Variants in ANO2 observed in about 807,000 individuals in gnomAD.
The protein encoded by ANO2 is anoctamin-2.
ANO2 carries 101 observed loss-of-function variants against 124.2 expected under a neutral mutation model. The observed-to-expected ratio is 0.81, with a 90% CI of 0.69 to 0.96. The LOEUF is 0.96. ANO2 is among the 40% of genes least tolerant of loss of function. The pLI is 0.00. For missense variants in ANO2, 1,293 were observed against 1,274.5 expected (o/e 1.01, Z -0.22); for synonymous variants, 486 against 482.5 (o/e 1.01, Z -0.09).
At chr12:5,784,373 T>C (rs1952484600) in intron 10 of ANO2, among the ~76,000 whole-genome samples, 3 of 152,200 alleles carry the variant, frequency 2.0e-5, no homozygotes, top group Admixed American at 2.0e-4. Context: ...GACTATAAGC[T>C]CCTTGAGGGC....
chr12:5,859,569 T>C (rs1226782034), intron 3 of ANO2, among the ~76,000 whole-genome samples: 2 of 151,986 alleles, frequency 1.3e-5, no homozygotes, highest in Non-Finnish European at 2.9e-5. Context: ...GGGGTCTTGC[T>C]TTGTCTCCCA....
In ANO2 at chr12:5,636,921, T is replaced by C. The variant is rs999281334; in HGVS notation, c.1621-1574A>G. Among the ~76,000 whole-genome samples, 2 of 152,030 alleles carry C rather than the reference T, an allele frequency of 1.3e-5. No homozygotes were observed. The highest frequency in any genetic ancestry group is 2.4e-5 in the African/African-American group (1 of 41,360). On this transcript the variant is annotated intron_variant, in intron 15 of 24. Transcript: ENST00000682330. This position sits in a 1 kb window ranked among gnomAD's most constrained non-coding sequence, Gnocchi z 4.6. ...ACCAGTAATTGCCCTATGGGCCGTG[T>C]TGTGAAAAAGAAGCCCTTGGTAAGG... is the stretch of plus-strand genomic sequence containing the variant.
At chr12:5,722,821 G>A (rs1421548516) in intron 14 of ANO2, among the ~76,000 whole-genome samples, 1 of 152,140 alleles carries the variant, frequency 6.6e-6, no homozygotes, top group African/African-American at 2.4e-5. Flanking sequence ...GACCTGGAAG[G>A]GCACAAACCA....
chr12:5,891,592 C>T (rs1025129825), intron 3 of ANO2, among the ~76,000 whole-genome samples: 2 of 152,064 alleles, frequency 1.3e-5, no homozygotes, highest in Admixed American at 1.3e-4. Context: ...TTTGGCTTAC[C>T]CTAAAGCTGC....
At chr12:5,868,435 G>GA (rs1274823187) in intron 3 of ANO2, among the ~76,000 whole-genome samples, 1 of 152,104 alleles carries the variant, frequency 6.6e-6, no homozygotes, top group African/African-American at 2.4e-5. Context: ...AGAAAAATAA[G>GA]AATCTGGAAG....
At chr12:5,677,465 C>T (rs1948298650) in intron 14 of ANO2, among the ~76,000 whole-genome samples, 1 of 152,206 alleles carries the variant, frequency 6.6e-6, no homozygotes, top group Admixed American at 6.5e-5. Context: ...CTATTCTTCT[C>T]CCATCTTAGG....
chr12:5,740,095 C>T (rs1174710066), intron 12 of ANO2: 1 of 416,378 alleles, frequency 2.4e-6, no homozygotes, highest in Non-Finnish European at 4.8e-6. Context: ...CCTTTCTCAG[C>T]ATGCTCTAGG....
intron 8 of ANO2, 118 bp downstream of exon 8, chr12:5,807,195 G>A (rs2137174025): frequency 2.4e-6 from 2 of 834,236 alleles, no homozygotes; most frequent in East Asian, 5.9e-5. Context: ...GTATTTTAAT[G>A]TCATGATTCA....
chr12:5,848,665 G>T (rs750390907), intron 4 of ANO2, among the ~76,000 whole-genome samples: 1 of 152,132 alleles, frequency 6.6e-6, no homozygotes, highest in Non-Finnish European at 1.5e-5. Context: ...GTTTACAGAC[G>T]CCCCAAGGAC....
chr12:5,780,275 T>G (rs1952350920), intron 10 of ANO2, among the ~76,000 whole-genome samples: 1 of 152,186 alleles, frequency 6.6e-6, no homozygotes, highest in Non-Finnish European at 1.5e-5. Context: ...AACTGATGAA[T>G]CTGAGTGCTG....
intron 3 of ANO2, among the ~76,000 whole-genome samples, chr12:5,920,708 A>G (rs1941648605): frequency 6.6e-6 from 1 of 152,126 alleles, no homozygotes. Context: ...TACTAAAAAA[A>G]TACAAAAAAT....
At chr12:5,837,228 A>C (rs12302851) in intron 4 of ANO2, among the ~76,000 whole-genome samples, 1,264 of 107,696 alleles carry the variant, frequency 0.012, 20 homozygotes, top group African/African-American at 0.036. Flanking sequence ...GAGTGCAGCA[A>C]CCACGGGGCC....
intron 3 of ANO2, among the ~76,000 whole-genome samples, chr12:5,875,781 C>T (rs1310112434): frequency 1.3e-5 from 2 of 151,388 alleles, no homozygotes; most frequent in Non-Finnish European, 2.9e-5. Flanking sequence ...AGCAGCACAA[C>T]GTGGCCACTA....
chr12:5,606,780 A>T (rs1390696517), intron 19 of ANO2, among the ~76,000 whole-genome samples: 1 of 152,190 alleles, frequency 6.6e-6, no homozygotes, highest in Non-Finnish European at 1.5e-5. Flanking sequence ...ACACACACAC[A>T]TGCATGTTTG....
chr12:5,674,682 C>T (rs1330874990), intron 14 of ANO2, among the ~76,000 whole-genome samples: 1 of 152,182 alleles, frequency 6.6e-6, no homozygotes, highest in Non-Finnish European at 1.5e-5. Context: ...TTCAGGTGGG[C>T]CACCTTGACT....
chr12:5,814,251 A>T (rs977469399), intron 7 of ANO2, among the ~76,000 whole-genome samples: 2 of 152,056 alleles, frequency 1.3e-5, no homozygotes, highest in African/African-American at 4.8e-5. Flanking sequence ...GCATTCCCCA[A>T]CTCCCTGCCA....
chr12:5,701,136 C>A (rs910828311), intron 14 of ANO2, among the ~76,000 whole-genome samples: 1 of 144,460 alleles, frequency 6.9e-6, no homozygotes, highest in Non-Finnish European at 1.5e-5. Flanking sequence ...CTCTGTCGCC[C>A]GGGCAGGGTG....
chr12:5,779,156 C>G (rs984483483), intron 10 of ANO2, among the ~76,000 whole-genome samples: 1 of 152,224 alleles, frequency 6.6e-6, no homozygotes, highest in African/African-American at 2.4e-5. Flanking sequence ...GGTTGCTAAT[C>G]TGATTAATTG....
intron 3 of ANO2, among the ~76,000 whole-genome samples, chr12:5,869,471 GT>G (rs925351683): frequency 6.6e-6 from 1 of 152,076 alleles, no homozygotes; most frequent in African/African-American, 2.4e-5. Flanking sequence ...AAAAATGAGG[GT>G]GGGCATCATC....
Sources: allele counts gnomAD v4.1 joint callset (sites outside exome capture counted in the v4.1 genomes callset), GRCh38; gene constraint gnomAD v4.1.1; non-coding constraint Gnocchi (gnomAD v3.1); transcripts MANE v1.5; gene names NCBI Gene and HGNC (gene_info 2026-07-23, HGNC 2026-07-21).